TOGARAM2: variants seen among roughly 807,000 people sequenced by gnomAD.
TOGARAM2 encodes TOG array regulator of axonemal microtubules 2.
Under a neutral mutation model 93.3 loss-of-function variants are expected in TOGARAM2, and 85 were observed. The observed-to-expected ratio is 0.91, with a 90% CI of 0.76 to 1.09. The LOEUF is 1.09. TOGARAM2 is among the 50% of genes least tolerant of loss of function. The pLI, the probability that TOGARAM2 is intolerant of heterozygous loss-of-function variation, is 0.00. For synonymous variants in TOGARAM2, 593 were observed against 552.8 expected (o/e 1.07, Z -1.02); for missense variants, 1,277 against 1,334.5 (o/e 0.96, Z 0.67).
At chr2:28,987,351 A>G (rs1440103042) in intron 1 of TOGARAM2, among the ~76,000 whole-genome samples, 1 of 152,044 alleles carries the variant, frequency 6.6e-6, no homozygotes, top group Non-Finnish European at 1.5e-5. Flanking sequence ...GTGCAGTGGC[A>G]TGATCTCGGT....
chr2:28,972,572 T>C (rs1350388404), intron 1 of TOGARAM2: 1 of 152,210 alleles, frequency 6.6e-6, no homozygotes, highest in African/African-American at 2.4e-5. Context: ...CATAGAATAT[T>C]TTTTTCTTCT....
upstream of TOGARAM2, among the ~76,000 whole-genome samples, chr2:28,977,463 T>TC (rs1558395946): frequency 6.6e-6 from 1 of 152,058 alleles, no homozygotes; most frequent in Non-Finnish European, 1.5e-5. Flanking sequence ...GGGTCAGAAC[T>TC]CCCCCTACCT....
chr2:29,013,538 C>T (rs1304155649), intron 7 of TOGARAM2, among the ~76,000 whole-genome samples: 1 of 152,166 alleles, frequency 6.6e-6, no homozygotes, highest in Non-Finnish European at 1.5e-5. Flanking sequence ...AGTCCGAGAG[C>T]CCCTGGCAAG....
At chr2:28,999,619 G>T (rs1376803852) in intron 4 of TOGARAM2, among the ~76,000 whole-genome samples, 151 bp downstream of exon 4, 3 of 152,148 alleles carry the variant, frequency 2.0e-5, no homozygotes, top group Non-Finnish European at 2.9e-5. Context: ...CCTTCTCTAT[G>T]GCTTCAGCGA....
chr2:29,006,348 ATGTGTGAGTGCATG>A (rs1243247234), intron 6 of TOGARAM2, among the ~76,000 whole-genome samples: 9 of 100,634 alleles, frequency 8.9e-5, no homozygotes, highest in Non-Finnish European at 1.4e-4. Context: ...GTATGTGTGT[ATGTGTGAGTGCATG>A]TGTGTGCATG....
chr2:28,960,252 T>C (rs566231344), intron 1 of TOGARAM2, among the ~76,000 whole-genome samples: 1 of 152,356 alleles, frequency 6.6e-6, no homozygotes, highest in East Asian at 1.9e-4. Flanking sequence ...TATTCTTAAC[T>C]ACTTCAGGGT....
intron 1 of TOGARAM2, among the ~76,000 whole-genome samples, chr2:28,974,128 T>C (rs1164955994): frequency 1.8e-4 from 1 of 5,670 alleles, no homozygotes; most frequent in African/African-American, 7.6e-4. Flanking sequence ...TAATATATCC[T>C]TTTTTTTTTT....
chr2:29,028,590 G>A (rs2148361059), intron 14 of TOGARAM2, among the ~76,000 whole-genome samples: 1 of 152,086 alleles, frequency 6.6e-6, no homozygotes, highest in Non-Finnish European at 1.5e-5. Context: ...ATGAGTTTGA[G>A]TGTTTCTTTA....
chr2:28,960,759 C>G (rs1671794107), intron 1 of TOGARAM2, among the ~76,000 whole-genome samples: 1 of 152,218 alleles, frequency 6.6e-6, no homozygotes. Context: ...GTTCTCTGTG[C>G]TGTCCAAAAT....
At chr2:29,021,614 G>T (rs551318312) in intron 10 of TOGARAM2, among the ~76,000 whole-genome samples, 2 of 152,334 alleles carry the variant, frequency 1.3e-5, no homozygotes, top group South Asian at 4.1e-4. Context: ...TGGACTGTGT[G>T]GGTGCCAGTT....
At chr2:29,047,450 C>T (rs1666809095) in intron 19 of TOGARAM2, 2 of 152,240 alleles carry the variant, frequency 1.3e-5, no homozygotes, top group African/African-American at 4.8e-5. Context: ...TCTGTTAACT[C>T]TGTGTCCACC....
intron 8 of TOGARAM2, 140 bp downstream of exon 8, chr2:29,014,701 A>T: frequency 9.1e-7 from 1 of 1,094,616 alleles, no homozygotes; most frequent in South Asian, 1.6e-5. Context: ...CCACCCAAGT[A>T]CTAAAGGCCA....
At chr2:29,003,405 G>A in intron 5 of TOGARAM2, 87 bp from the exon 6 acceptor site, 2 of 1,179,834 alleles carry the variant, frequency 1.7e-6, no homozygotes, top group Non-Finnish European at 1.1e-6. Context: ...GAGACAGCAG[G>A]TCCCACACTG....
intron 10 of TOGARAM2, among the ~76,000 whole-genome samples, chr2:29,019,939 C>T (rs985276477): frequency 5.3e-5 from 8 of 152,286 alleles, no homozygotes; most frequent in African/African-American, 1.2e-4. Context: ...ACAAAGAAAA[C>T]GAGCACTCAA....
intron 1 of TOGARAM2, among the ~76,000 whole-genome samples, chr2:28,974,604 G>C (rs1671998953): frequency 6.6e-6 from 1 of 151,512 alleles, no homozygotes; most frequent in Non-Finnish European, 1.5e-5. Flanking sequence ...CTGGGGCTCT[G>C]TTCATTTCTT....
chr2:28,996,253 G>A (rs1672983467), intron 2 of TOGARAM2, among the ~76,000 whole-genome samples: 1 of 152,106 alleles, frequency 6.6e-6, no homozygotes, highest in South Asian at 2.1e-4. Flanking sequence ...TTGATGTTGG[G>A]AACATTCCAA....
chr2:28,984,537 C>T (rs1299617775), intron 1 of TOGARAM2, among the ~76,000 whole-genome samples: 1 of 152,184 alleles, frequency 6.6e-6, no homozygotes, highest in East Asian at 1.9e-4. Flanking sequence ...CCTTCTGATC[C>T]TCTGAGTACA....
rs942709996 is a variant in TOGARAM2 at position 29,036,874 on chromosome 2, C to G, written c.2635+117C>G. The G allele has an allele frequency of 2.9e-6, 3 of 1,024,746 alleles. No homozygotes were observed. The African/African-American group carries it at 4.7e-5, about 16-fold the overall frequency. The allele number at this position is 1,024,746 out of a possible 1,614,324, so 63.5% of individuals were successfully genotyped here. On this transcript the variant is annotated intron_variant, in intron 18 of 19. Coordinates refer to ENST00000379558, the MANE Select transcript of TOGARAM2 (RefSeq NM_199280.4). Reference sequence around the variant, plus strand: ...CCCAGGCCAGATGTTTCACCAGAGGCTGTGTAGGGCAGAGGTGGAGCCCAG... The same window carrying G: ...CCCAGGCCAGATGTTTCACCAGAGGGTGTGTAGGGCAGAGGTGGAGCCCAG...
chr2:29,017,044 T>C, intron 8 of TOGARAM2, 110 bp from the exon 9 acceptor site: 3 of 1,391,802 alleles, frequency 2.2e-6, no homozygotes, highest in Non-Finnish European at 3.0e-6. Flanking sequence ...TTGTCTTTTT[T>C]GTTCACTTCC....
Sources: gnomAD v4.1 joint callset for allele counts (sites outside exome capture counted in the v4.1 genomes callset) on GRCh38, gnomAD v4.1.1 for gene constraint, MANE v1.5 for transcripts, NCBI Gene and HGNC (gene_info 2026-07-23, HGNC 2026-07-21) for gene names.